The following PTPRN2 variants were observed in gnomAD, a reference collection of about 807,000 sequenced individuals.
PTPRN2 encodes the protein receptor-type tyrosine-protein phosphatase N2.
PTPRN2 carries 74 observed loss-of-function variants against 118.8 expected under a neutral mutation model. The observed-to-expected ratio is 0.62, with a 90% CI of 0.52 to 0.76. The LOEUF (loss-of-function observed/expected upper bound fraction) is 0.76. Ranked by LOEUF, PTPRN2 falls within the 30% of genes least tolerant of loss-of-function variation. The probability of loss-of-function intolerance (pLI) is 0.00; values close to 1 mark genes in which losing one functional copy is unlikely to be tolerated. For synonymous variants in PTPRN2, 641 were observed against 608.0 expected, an observed-to-expected ratio of 1.05 and a Z score of -0.80; for missense variants, 1,481 against 1,394.4, an observed-to-expected ratio of 1.06 and a Z score of -0.99.
chr7:157,966,116 C>T (rs1378091684), intron 11 of PTPRN2, among the ~76,000 whole-genome samples: 1 of 151,800 alleles, frequency 6.6e-6, no homozygotes, highest in African/African-American at 2.4e-5. Context: ...AACTTCTTCT[C>T]ACTAAGAAAA....
chr7:157,823,689 T>C (rs2151144980), intron 12 of PTPRN2, among the ~76,000 whole-genome samples: 1 of 152,312 alleles, frequency 6.6e-6, no homozygotes, highest in Middle Eastern at 3.4e-3. Context: ...TGGTGAAGTT[T>C]TCAGATTTTC....
intron 3 of PTPRN2, among the ~76,000 whole-genome samples, chr7:158,299,658 C>T (rs1800745511): frequency 6.6e-6 from 1 of 152,160 alleles, no homozygotes; most frequent in South Asian, 2.1e-4. Context: ...CTTCTGAGAG[C>T]TGTAAATGAG....
chr7:158,541,416 A>G (rs761291517), intron 1 of PTPRN2: 2 of 1,320,748 alleles, frequency 1.5e-6, no homozygotes, highest in Non-Finnish European at 9.9e-7. Context: ...GCATTATTCC[A>G]CCCGGTTACC....
chr7:158,211,083 C>A (rs1057315669), intron 3 of PTPRN2, among the ~76,000 whole-genome samples: 1 of 152,144 alleles, frequency 6.6e-6, no homozygotes, highest in East Asian at 1.9e-4. Flanking sequence ...ATAGGACAGT[C>A]TCTTCTATAA....
chr7:158,116,630 G>C (rs941129705), intron 9 of PTPRN2, among the ~76,000 whole-genome samples: 1 of 152,220 alleles, frequency 6.6e-6, no homozygotes, highest in Non-Finnish European at 1.5e-5. Flanking sequence ...CAGAGGTGCA[G>C]GAAAGGAGGA....
Position 157,764,386 on chromosome 7 carries a change from A to G in PTPRN2, c.1789-81449T>C, listed in dbSNP as rs1480147527. On this transcript the variant is annotated intron_variant, in intron 12 of 22. Transcript: ENST00000389418. The surrounding 1 kb of genome is among the most constrained non-coding windows in gnomAD (Gnocchi z 4.5). The stretch of plus-strand genomic sequence containing the variant: ...ATGTGGTCCACCCACACATGGGAAT[A>G]TTACTCAGCACTGAAAAGGCAGAGA... 1.3e-5 allele frequency among the ~76,000 whole-genome samples: 2 copies of G among 152,260 alleles called. No individual in the cohort carries two copies. Among genetic ancestry groups the G allele is most frequent in the Non-Finnish European group, 2.9e-5 (2 of 68,040 alleles).
At chr7:158,049,420 A>T (rs1809163265) in intron 11 of PTPRN2, among the ~76,000 whole-genome samples, 1 of 151,972 alleles carries the variant, frequency 6.6e-6, no homozygotes, top group Non-Finnish European at 1.5e-5. Context: ...CCTTCCTTTC[A>T]CAGCTCTTCA....
At chr7:158,152,671 A>T (rs915722195) in intron 6 of PTPRN2, among the ~76,000 whole-genome samples, 1 of 152,110 alleles carries the variant, frequency 6.6e-6, no homozygotes, top group Non-Finnish European at 1.5e-5. Context: ...TCCCAAGACC[A>T]CCCTGGCCCC....
At chr7:157,889,734 C>T (rs1796688233) in intron 12 of PTPRN2, among the ~76,000 whole-genome samples, 1 of 152,242 alleles carries the variant, frequency 6.6e-6, no homozygotes. Context: ...GTTCCCTTTG[C>T]CTCTCACTAG....
chr7:158,398,211 T>C (rs1349705878), intron 2 of PTPRN2, among the ~76,000 whole-genome samples: 1 of 152,266 alleles, frequency 6.6e-6, no homozygotes, highest in African/African-American at 2.4e-5. Context: ...CTCCCCCATG[T>C]ATCAACTGCA....
intron 12 of PTPRN2, among the ~76,000 whole-genome samples, chr7:157,695,409 G>A (rs1391747271): frequency 6.6e-6 from 1 of 151,842 alleles, no homozygotes. Flanking sequence ...TACACAAATA[G>A]TATTTAAAAT....
chr7:157,784,140 T>G lies in PTPRN2; in HGVS notation c.1789-101203A>C, dbSNP rs1803863774. Among the ~76,000 whole-genome samples, 1 of 152,144 alleles carries G rather than the reference T, an allele frequency of 6.6e-6. No homozygotes were observed. The highest frequency in any genetic ancestry group is 6.5e-5 in the Admixed American group (1 of 15,282). Reference sequence around the variant, plus strand: ...GCTTCCAGGGACTATTCCTAAATTCTGCTTGTGGGCAGGGCACAGGCAGCT... The same window carrying G: ...GCTTCCAGGGACTATTCCTAAATTCGGCTTGTGGGCAGGGCACAGGCAGCT... On this transcript the variant is annotated intron_variant, in intron 12 of 22. Transcript: ENST00000389418. The surrounding 1 kb of genome is among the most constrained non-coding windows in gnomAD (Gnocchi z 4.6).
chr7:157,625,630 T>C (rs1803522907), intron 14 of PTPRN2, among the ~76,000 whole-genome samples: 1 of 152,172 alleles, frequency 6.6e-6, no homozygotes, highest in Admixed American at 6.5e-5. Flanking sequence ...TGGTGCAGTG[T>C]ATACTGCTCA....
intron 13 of PTPRN2, among the ~76,000 whole-genome samples, chr7:157,658,566 C>T (rs1795712959): frequency 6.6e-6 from 1 of 152,216 alleles, no homozygotes. Context: ...GCAGGCAGGA[C>T]ACGGCCACGC....
intron 10 of PTPRN2, among the ~76,000 whole-genome samples, chr7:158,098,617 C>G (rs535759525): frequency 6.6e-6 from 1 of 152,194 alleles, no homozygotes; most frequent in African/African-American, 2.4e-5. Context: ...CCGAGGCACA[C>G]GCCTCCCTCG....
intron 21 of PTPRN2, among the ~76,000 whole-genome samples, chr7:157,549,576 G>T (rs1798494053): frequency 6.6e-6 from 1 of 152,160 alleles, no homozygotes; most frequent in African/African-American, 2.4e-5. Context: ...TTCACCAAAA[G>T]CTCCATCCTC....
At chr7:158,085,137 A>G (rs1483356548) in intron 10 of PTPRN2, among the ~76,000 whole-genome samples, 59 of 96,528 alleles carry the variant, frequency 6.1e-4, no homozygotes, top group African/African-American at 2.3e-3. Context: ...CACACCCACC[A>G]CACCCATCCA....
rs1796951466 is a variant in PTPRN2 at position 157,893,889 on chromosome 7, G to GAAGGGAACAGAGATGGCCGTCGCGCA, written c.1788+4783_1788+4784insTGCGCGACGGCCATCTCTGTTCCCTT. Among the ~76,000 whole-genome samples, 1 of 152,182 alleles carries GAAGGGAACAGAGATGGCCGTCGCGCA rather than the reference G, an allele frequency of 6.6e-6. No homozygotes were observed. The highest frequency in any genetic ancestry group is 1.5e-5 in the Non-Finnish European group (1 of 68,036). On this transcript the variant is annotated intron_variant, in intron 12 of 22. Transcript: ENST00000389418. This position sits in a 1 kb window ranked among gnomAD's most constrained non-coding sequence, Gnocchi z 4.0. Reference sequence around the variant, plus strand: ...TCACGGAGGAGGAGCTGGTCGACTTGAAGGGAACAGAGATGGCCGTCGCGC... The same window carrying GAAGGGAACAGAGATGGCCGTCGCGCA: ...TCACGGAGGAGGAGCTGGTCGACTTGAAGGGAACAGAGATGGCCGTCGCGCAAAGGGAACAGAGATGGCCGTCGCGC...
chr7:157,998,988 G>A (rs1427847445), intron 11 of PTPRN2, among the ~76,000 whole-genome samples: 2 of 152,038 alleles, frequency 1.3e-5, no homozygotes, highest in Non-Finnish European at 2.9e-5. Context: ...GTGAGCTGCA[G>A]CAACAGTGAC....
Sources: allele counts gnomAD v4.1 joint callset (sites outside exome capture counted in the v4.1 genomes callset), GRCh38; gene constraint gnomAD v4.1.1; non-coding constraint Gnocchi (gnomAD v3.1); transcripts MANE v1.5; gene names NCBI Gene and HGNC (gene_info 2026-07-23, HGNC 2026-07-21).